CHUK: variants seen among roughly 807,000 people sequenced by gnomAD.
CHUK encodes the protein component of inhibitor of nuclear factor kappa B kinase complex.
A neutral mutation model predicts 104.8 loss-of-function variants in CHUK; 35 were observed. The ratio of observed to expected loss-of-function variants is 0.33; its 90% CI spans 0.26 to 0.44. The LOEUF is 0.44. Among genes scored for constraint, CHUK ranks in the 20% least tolerant of loss-of-function variants. The pLI, the probability that CHUK is intolerant of heterozygous loss-of-function variation, is 1.00. For synonymous variants in CHUK, 276 were observed against 291.9 expected (o/e 0.95, Z 0.56); for missense variants, 663 against 902.7 (o/e 0.73, Z 3.40).
At chr10:100,202,772 A>T (rs1408578) in intron 13 of CHUK, among the ~76,000 whole-genome samples, 10,104 of 151,368 alleles carry the variant, frequency 0.067, 526 homozygotes, top group African/African-American at 0.14. Flanking sequence ...AACAAAAAAA[A>T]TTTTTTTTTG....
chr10:100,200,022 T>C lies in CHUK; in HGVS notation c.1680-2A>G. The C allele has an allele frequency of 6.2e-7, 1 of 1,609,272 alleles. No homozygotes were observed. Among genetic ancestry groups the C allele is most frequent in the Non-Finnish European group, 8.5e-7 (1 of 1,175,676 alleles). ...TATAGATCAATGGCACGCTGTTCCC[T>C]ATAAAAGAGAAAACACGCTCTGATA... On this transcript the variant is annotated splice_acceptor_variant, in intron 15 of 20. Transcript: ENST00000370397. LOFTEE classifies it high-confidence loss of function.
At chr10:100,186,333 G>C (rs542479246), downstream of CHUK, 1 of 319,220 alleles carries the variant, frequency 3.1e-6, no homozygotes, top group African/African-American at 2.1e-5. Context: ...GTAGCTGTTC[G>C]GTTTATTTGT....
At chr10:100,224,728 C>T (rs746878373) in intron 2 of CHUK, among the ~76,000 whole-genome samples, 7 of 152,140 alleles carry the variant, frequency 4.6e-5, no homozygotes, top group Non-Finnish European at 8.8e-5. Flanking sequence ...TGAGCCACCA[C>T]GCCCGGCCCT....
Position 100,219,251 on chromosome 10 carries a change from G to T in CHUK, c.564+19C>A. On this transcript the variant is annotated intron_variant, in intron 6 of 20. Coordinates refer to ENST00000370397, the MANE Select transcript of CHUK (RefSeq NM_001278.5). The stretch of plus-strand genomic sequence containing the variant: ...AATCCTATACACACTTAAATTCAAA[G>T]AAACAAAACAGGTCTCACCAGATAC... The T allele has an allele frequency of 1.3e-6, 2 of 1,567,318 alleles. No homozygotes were observed. Among genetic ancestry groups the T allele is most frequent in the Non-Finnish European group, 8.8e-7 (1 of 1,137,468 alleles).
chr10:100,226,050 A>G (rs775007145), intron 1 of CHUK, 33 bp from the exon 2 acceptor site: 7 of 1,289,436 alleles, frequency 5.4e-6, no homozygotes, highest in Non-Finnish European at 7.9e-6. Flanking sequence ...GAAAAAAAAA[A>G]TTAGGTTCTT....
In CHUK at chr10:100,225,853, C is replaced by A. The variant is rs985422660; in HGVS notation, c.200+70G>T. 15 of 874,632 alleles carry A rather than the reference C, an allele frequency of 1.7e-5. No homozygotes were observed. In the African/African-American group the frequency reaches 1.8e-4, roughly 11 times the overall value. 54.2% of individuals were successfully genotyped at this position (874,632 alleles called of 1,614,324 possible). A position where few individuals can be genotyped will look rare whatever the true frequency, so the allele number is the denominator to read the frequency against. On this transcript the variant is annotated intron_variant, in intron 2 of 20. Coordinates refer to ENST00000370397, the MANE Select transcript of CHUK (RefSeq NM_001278.5). ...GATCCTGAGAAGAGTGGATTCCTGG[C>A]CTCTTTCCCCATGATGACATCTGGT...
intron 2 of CHUK, among the ~76,000 whole-genome samples, chr10:100,225,131 G>A (rs1013693480): frequency 9.9e-5 from 15 of 152,196 alleles, no homozygotes; most frequent in African/African-American, 3.1e-4. Context: ...ATTACAGTGT[G>A]AGCCAACATG....
chr10:100,202,053 TTAA>T, intron 14 of CHUK, 32 bp downstream of exon 14: 3 of 1,459,580 alleles, frequency 2.1e-6, no homozygotes, highest in Non-Finnish European at 2.9e-6. Flanking sequence ...ACATCAAGAA[TTAA>T]TAAGTATACA....
At chr10:100,199,327 AT>A (rs200086639) in intron 16 of CHUK, among the ~76,000 whole-genome samples, 2 of 151,734 alleles carry the variant, frequency 1.3e-5, no homozygotes, top group Admixed American at 6.6e-5. Flanking sequence ...CCTCTATAAT[AT>A]TTTTTTGTTT....
intron 9 of CHUK, among the ~76,000 whole-genome samples, chr10:100,213,833 T>A (rs1225661834): frequency 2.0e-5 from 3 of 152,220 alleles, no homozygotes; most frequent in Non-Finnish European, 4.4e-5. Context: ...AACAAAATTT[T>A]AAAAAAGAAA....
chr10:100,209,067 G>A (rs939333589), intron 10 of CHUK, among the ~76,000 whole-genome samples: 3 of 152,144 alleles, frequency 2.0e-5, no homozygotes, highest in Non-Finnish European at 2.9e-5. Flanking sequence ...CCCATTTAGA[G>A]TAAGTAAATT....
chr10:100,219,554 T>C (rs74743792), intron 5 of CHUK, among the ~76,000 whole-genome samples, 195 bp from the exon 6 acceptor site: 19 of 152,332 alleles, frequency 1.2e-4, no homozygotes, highest in African/African-American at 4.3e-4. Flanking sequence ...CCTCTCTCAG[T>C]AATCTAATTG....
rs1364103014 is a variant in CHUK, at chr10:100,219,416, GACA to G, written c.475-60_475-58del. On this transcript the variant is annotated intron_variant, in intron 5 of 20. Coordinates refer to ENST00000370397, the MANE Select transcript of CHUK (RefSeq NM_001278.5). ...ATGGTAGAGAAATTTAAAAAGGAAA[GACA>G]ACAATATCCTTACGAGGCTGTAGAC... 6 of 990,910 alleles carry G rather than the reference GACA, an allele frequency of 6.1e-6. No individual in the cohort carries two copies. The African/African-American group carries it at 6.4e-5, about 11-fold the overall frequency. 61.4% of individuals were successfully genotyped at this position (990,910 alleles called of 1,614,324 possible).
intron 9 of CHUK, among the ~76,000 whole-genome samples, chr10:100,215,214 C>CAAAAAAA (rs913817319): frequency 3.7e-4 from 19 of 51,526 alleles, no homozygotes; most frequent in East Asian, 1.2e-3. Context: ...GGCTCCATAT[C>CAAAAAAA]AAAAAAAAAA....
At chr10:100,219,429 T>C in intron 5 of CHUK, 70 bp from the exon 6 acceptor site, 1 of 905,712 alleles carries the variant, frequency 1.1e-6, no homozygotes, top group Admixed American at 1.8e-5. Context: ...AACAATATCC[T>C]TACGAGGCTG....
At position 100,220,378 on chromosome 10, in the gene CHUK, AG is replaced by A. The variant is rs17883056; in HGVS notation, c.474+209del. On this transcript the variant is annotated intron_variant, in intron 5 of 20. Transcript: ENST00000370397. ...TGAAAAAAAAGAAAAAGAAAAAAAA[AG>A]CAGGTGCTGTTCCTTCTCTGATGGA... 0.075 allele frequency among the ~76,000 whole-genome samples: 11,371 copies of A among 152,134 alleles called. 574 individuals carry two copies. The highest frequency in any genetic ancestry group is 0.14 in the African/African-American group (5,746 of 41,470).
Position 100,207,221 on chromosome 10 carries a change from T to C in CHUK, c.1231+9A>G. On this transcript the variant is annotated intron_variant, in intron 11 of 20. Coordinates refer to ENST00000370397, the MANE Select transcript of CHUK (RefSeq NM_001278.5). ...TTTAAAGCTCAGCCACTAAATGGAC[T>C]GGACTTACCAATATAATTTACACAA... 1.6e-6 allele frequency: 2 copies of C among 1,241,032 alleles called. No homozygotes were observed. The highest frequency in any genetic ancestry group is 2.4e-6 in the Non-Finnish European group (2 of 841,228). 76.9% of individuals were successfully genotyped at this position (1,241,032 alleles called of 1,614,324 possible). A position where few individuals can be genotyped will look rare whatever the true frequency, so the allele number is the denominator to read the frequency against.
chr10:100,200,049 G>C lies in CHUK; in HGVS notation c.1680-29C>G, dbSNP rs201525864. On this transcript the variant is annotated intron_variant, in intron 15 of 20. Coordinates refer to ENST00000370397, the MANE Select transcript of CHUK (RefSeq NM_001278.5). The stretch of plus-strand genomic sequence containing the variant: ...TAAAAGAGAAAACACGCTCTGATAA[G>C]TGAAGGTAATTTAATGACTTCAATA... 4 of 1,540,854 alleles carry C rather than the reference G, an allele frequency of 2.6e-6. No homozygotes were observed. In the Admixed American group the frequency reaches 5.0e-5, roughly 19 times the overall value.
At chr10:100,190,624 C>T (rs554899955) in intron 20 of CHUK, 10 of 517,896 alleles carry the variant, frequency 1.9e-5, no homozygotes, top group African/African-American at 1.7e-4. Context: ...TGTGAAGAAG[C>T]TTACCACTCA....
Sources: allele counts gnomAD v4.1 joint callset (sites outside exome capture counted in the v4.1 genomes callset), GRCh38; gene constraint gnomAD v4.1.1; transcripts MANE v1.5; gene names NCBI Gene and HGNC (gene_info 2026-07-23, HGNC 2026-07-21).